FAF1: variants seen among roughly 807,000 people sequenced by gnomAD.
FAF1 encodes FAS-associated factor 1.
A neutral mutation model predicts 92.5 loss-of-function variants in FAF1; 25 were observed. That is an observed-to-expected ratio of 0.27 (90% CI 0.20 to 0.38). The LOEUF is 0.38. Ranked by LOEUF, FAF1 falls within the 10% of genes least tolerant of loss-of-function variation. The pLI is 1.00. For missense variants in FAF1, 636 were observed against 793.3 expected (o/e 0.80, Z 2.38); for synonymous variants, 234 against 273.2 (o/e 0.86, Z 1.42).
At chr1:50,625,474 C>G (rs144705156) in intron 8 of FAF1, among the ~76,000 whole-genome samples, 1 of 152,046 alleles carries the variant, frequency 6.6e-6, no homozygotes, top group African/African-American at 2.4e-5. Context: ...TGGTTAAGTC[C>G]CACAATCAAT....
At chr1:50,959,497 A>C (rs1042107275) in intron 1 of FAF1, among the ~76,000 whole-genome samples, 5 of 152,120 alleles carry the variant, frequency 3.3e-5, no homozygotes, top group Non-Finnish European at 5.9e-5. Flanking sequence ...TAATACAGGA[A>C]ACACTACACA....
At chr1:50,883,815 C>T (rs189780121) in intron 1 of FAF1, among the ~76,000 whole-genome samples, 1 of 152,202 alleles carries the variant, frequency 6.6e-6, no homozygotes, top group African/African-American at 2.4e-5. Context: ...TTTACTGAGA[C>T]GTACAGTATT....
intron 9 of FAF1, among the ~76,000 whole-genome samples, chr1:50,590,281 A>C (rs1214759198): frequency 6.6e-6 from 1 of 152,260 alleles, no homozygotes; most frequent in African/African-American, 2.4e-5. Context: ...ACCCATGTAC[A>C]TGAAATGTGT....
At chr1:50,602,284 C>A (rs972736325) in intron 8 of FAF1, among the ~76,000 whole-genome samples, 9 of 152,176 alleles carry the variant, frequency 5.9e-5, no homozygotes, top group African/African-American at 2.2e-4. Context: ...ATCGTCCTCA[C>A]AAGACACTGA....
intron 8 of FAF1, among the ~76,000 whole-genome samples, chr1:50,610,002 T>C (rs911777316): frequency 2.6e-5 from 4 of 152,170 alleles, no homozygotes; most frequent in Non-Finnish European, 5.9e-5. Context: ...CAGGCAAACA[T>C]AGTCATTAGT....
intron 2 of FAF1, among the ~76,000 whole-genome samples, chr1:50,817,205 A>G (rs570997261): frequency 5.3e-5 from 8 of 152,316 alleles, no homozygotes; most frequent in Admixed American, 2.6e-4. Flanking sequence ...TGTTCATAGG[A>G]GCATTATTTA....
Position 50,761,251 on chromosome 1 carries a change from C to T in FAF1, c.368-16476G>A, listed in dbSNP as rs575013886. On this transcript the variant is annotated intron_variant, in intron 4 of 18. Coordinates refer to ENST00000396153, the MANE Select transcript of FAF1 (RefSeq NM_007051.3). ...CAGATGAATTCACAGCCGAATTCTA[C>T]CAGAGGTATAAGGAGGAACTGGTAC... Among the ~76,000 whole-genome samples, 3 of 152,274 alleles carry T rather than the reference C, an allele frequency of 2.0e-5. No homozygotes were observed. In the East Asian group the frequency reaches 5.8e-4, roughly 29 times the overall value.
chr1:50,891,586 C>T (rs919333178), intron 1 of FAF1, among the ~76,000 whole-genome samples: 2 of 152,216 alleles, frequency 1.3e-5, no homozygotes, highest in African/African-American at 2.4e-5. Flanking sequence ...AATCAGGACC[C>T]TCAGCTGCAG....
intron 1 of FAF1, among the ~76,000 whole-genome samples, chr1:50,903,410 A>T (rs1273409692): frequency 6.6e-6 from 1 of 152,126 alleles, no homozygotes; most frequent in Admixed American, 6.6e-5. Context: ...TCAAGATATG[A>T]CTGGTGTCTT....
chr1:50,914,163 C>CT (rs762735933), intron 1 of FAF1, among the ~76,000 whole-genome samples: 7 of 152,142 alleles, frequency 4.6e-5, no homozygotes, highest in Admixed American at 3.3e-4. Flanking sequence ...CAGCCAAACT[C>CT]TTATTTTTTC....
rs200446950 is a variant in FAF1, at chr1:50,852,369, CTCAA to C, written c.114+5556_114+5559del. On this transcript the variant is annotated intron_variant, in intron 2 of 18. Transcript: ENST00000396153. ...GACCTAAAAGTAAGCTTGCTAATAA[CTCAA>C]TCAGTCAAGTATTCATTAGGCAATT... Among the ~76,000 whole-genome samples, 1,210 of 152,248 alleles carry C rather than the reference CTCAA, an allele frequency of 7.9e-3. 11 individuals are homozygous for C. Among genetic ancestry groups the C allele is most frequent in the African/African-American group, 0.027 (1,134 of 41,556 alleles).
At chr1:50,591,715 G>T (rs957038710) in intron 9 of FAF1, among the ~76,000 whole-genome samples, 2 of 148,562 alleles carry the variant, frequency 1.3e-5, no homozygotes, top group Admixed American at 1.3e-4. Flanking sequence ...GCTTTCTACA[G>T]TTCCAAATTC....
At chr1:50,785,266 GA>G (rs1449047342) in intron 4 of FAF1, among the ~76,000 whole-genome samples, 1 of 150,938 alleles carries the variant, frequency 6.6e-6, no homozygotes, top group Non-Finnish European at 1.5e-5. Flanking sequence ...GGCAATGAAA[GA>G]AAAAATAGAC....
intron 13 of FAF1, among the ~76,000 whole-genome samples, chr1:50,546,065 C>T (rs1401089442): frequency 1.3e-5 from 2 of 152,136 alleles, no homozygotes; most frequent in African/African-American, 4.8e-5. Context: ...ACTTGGGAGG[C>T]TGGGGCAGAA....
At chr1:50,739,337 T>C (rs1211984530) in intron 5 of FAF1, among the ~76,000 whole-genome samples, 2 of 152,116 alleles carry the variant, frequency 1.3e-5, no homozygotes, top group Non-Finnish European at 2.9e-5. Flanking sequence ...TGTGTACACG[T>C]ACATGCATAT....
intron 3 of FAF1, among the ~76,000 whole-genome samples, chr1:50,789,360 G>A (rs1453313498): frequency 1.3e-5 from 2 of 152,128 alleles, no homozygotes; most frequent in Non-Finnish European, 2.9e-5. Context: ...TACTTAGTAA[G>A]ATCCCGGACC....
At chr1:50,702,762 G>A (rs1344400774) in intron 7 of FAF1, among the ~76,000 whole-genome samples, 4 of 152,024 alleles carry the variant, frequency 2.6e-5, no homozygotes, top group Admixed American at 2.6e-4. Context: ...ACAAACACTT[G>A]TACAACTCTT....
At chr1:50,672,556 T>C (rs775315247) in intron 7 of FAF1, among the ~76,000 whole-genome samples, 2 of 152,204 alleles carry the variant, frequency 1.3e-5, no homozygotes, top group African/African-American at 2.4e-5. Context: ...GTGCTGGGAT[T>C]ATAGGCGTGA....
chr1:50,928,475 G>GT (rs1645022932), intron 1 of FAF1, among the ~76,000 whole-genome samples: 2 of 152,074 alleles, frequency 1.3e-5, no homozygotes, highest in African/African-American at 4.8e-5. Context: ...GAAAATAGGT[G>GT]TTCTGTATTT....
Sources: allele counts gnomAD v4.1 joint callset (sites outside exome capture counted in the v4.1 genomes callset), GRCh38; gene constraint gnomAD v4.1.1; transcripts MANE v1.5; gene names NCBI Gene and HGNC (gene_info 2026-07-23, HGNC 2026-07-21).